The following PARP1 variants were observed in gnomAD, a reference collection of about 807,000 sequenced individuals.
The protein encoded by PARP1 is poly [ADP-ribose] polymerase 1.
PARP1 carries 44 observed loss-of-function variants against 118.7 expected under a neutral mutation model. The ratio of observed to expected loss-of-function variants is 0.37; its 90% CI spans 0.29 to 0.48. The LOEUF (loss-of-function observed/expected upper bound fraction) is 0.48, where lower values mean the gene tolerates loss of function less well. PARP1 is among the 20% of genes least tolerant of loss of function. The probability of loss-of-function intolerance (pLI) is 0.99; values close to 1 mark genes in which losing one functional copy is unlikely to be tolerated. For missense variants in PARP1, 1,100 were observed against 1,272.4 expected, an observed-to-expected ratio of 0.86 and a Z score of 2.06; for synonymous variants, 492 against 483.2, an observed-to-expected ratio of 1.02 and a Z score of -0.24.
At position 226,377,115 on chromosome 1, in the gene PARP1, T is replaced by C. The variant is rs755093118; in HGVS notation, c.1934A>G (p.Tyr645Cys). 11 of 1,613,428 alleles carry C rather than the reference T, an allele frequency of 6.8e-6. No homozygotes were observed. The South Asian group carries it at 7.7e-5, about 11-fold the overall frequency. Residue 645 changes from tyrosine to cysteine, a missense_variant, in exon 13 of 23, where the codon TAT becomes TGT. By Grantham distance (194) the Tyr-to-Cys change is radical. This residue lies in a region of PARP1 where 948 missense variants were observed against 1,031.8 expected (regional missense o/e 0.92). Transcript: ENST00000366794. ...PKKFYPLEIDYGQDEEAVKKL... is the reference protein window; with the variant it reads ...PKKFYPLEIDCGQDEEAVKKL... ...AGGGCATTATGTGGTTACCTGGCCA[T>C]AGTCAATCTCCAGGGGGTAGAACTT...
Position 226,361,172 on chromosome 1 carries a change from G to A in PARP1, c.*288C>T. ...AAGCTTGGTTTTTTCCATAGGACTA[G>A]TCTATGCAACAGAATCTCTCTCCAG... On this transcript the variant is annotated 3_prime_UTR_variant, in exon 23 of 23. Transcript: ENST00000366794. The A allele has an allele frequency of 1.9e-6, 1 of 518,962 alleles. No homozygotes were observed. Among genetic ancestry groups the A allele is most frequent in the East Asian group, 3.3e-5 (1 of 29,908 alleles). The allele number at this position is 518,962 out of a possible 1,614,324, so 32.1% of individuals were successfully genotyped here. A position where few individuals can be genotyped will look rare whatever the true frequency, so the allele number is the denominator to read the frequency against.
At chr1:226,367,737 G>C in intron 16 of PARP1, 129 bp from the exon 17 acceptor site, 1 of 1,032,148 alleles carries the variant, frequency 9.7e-7, no homozygotes, top group Non-Finnish European at 1.5e-6. Flanking sequence ...CTGCTGGTCA[G>C]GGCCAGCCTG....
At chr1:226,402,617 A>G (rs1665060460) in intron 1 of PARP1, among the ~76,000 whole-genome samples, 1 of 152,206 alleles carries the variant, frequency 6.6e-6, no homozygotes, top group South Asian at 2.1e-4. Context: ...TCTTGAGCTC[A>G]TTCTCTTAGG....
rs760642598 is a variant in PARP1, at chr1:226,379,239, C to T, written c.1648G>A (p.Gly550Arg). 4.3e-6 allele frequency: 7 copies of T among 1,614,228 alleles called. No individual in the cohort carries two copies. Among genetic ancestry groups the T allele is most frequent in the Non-Finnish European group, 5.9e-6 (7 of 1,180,028 alleles). The change falls in exon 12 of 23, where the codon GGG (glycine) becomes AGG (arginine). Residue 550 changes from glycine to arginine, a missense_variant. Transcript: ENST00000366794. Reference protein sequence around the residue: ...EHSAHVLEKGGKVFSATLGLV... With the variant: ...EHSAHVLEKGRKVFSATLGLV... ...CCAAGGGTGGCACTGAAGACCTTCC[C>T]ACCTTTCTCCAGGACATGCGCAGAG...
chr1:226,373,943 A>G (rs1366335358), intron 14 of PARP1, among the ~76,000 whole-genome samples: 1 of 151,886 alleles, frequency 6.6e-6, no homozygotes, highest in Non-Finnish European at 1.5e-5. Flanking sequence ...CAACATGGTG[A>G]GACTCTGTCT....
At chr1:226,377,482 C>A (rs1396299843) in intron 12 of PARP1, among the ~76,000 whole-genome samples, 179 bp from the exon 13 acceptor site, 3 of 152,170 alleles carry the variant, frequency 2.0e-5, no homozygotes, top group African/African-American at 7.2e-5. Flanking sequence ...TTTTACTTTT[C>A]ATTAAACTTT....
intron 16 of PARP1, 135 bp downstream of exon 16, chr1:226,368,064 C>T (rs1664306155): frequency 7.8e-7 from 1 of 1,285,796 alleles, no homozygotes; most frequent in South Asian, 1.2e-5. Context: ...AGAAACCCAA[C>T]TTCAAAACAA....
chr1:226,406,591 T>C (rs1374874618), intron 1 of PARP1, among the ~76,000 whole-genome samples: 1 of 152,222 alleles, frequency 6.6e-6, no homozygotes, highest in Non-Finnish European at 1.5e-5. Flanking sequence ...CCATCCTCTC[T>C]TACGGTAACG....
At chr1:226,362,490 C>T (rs6664761) in intron 21 of PARP1, among the ~76,000 whole-genome samples, 32,383 of 152,130 alleles carry the variant, frequency 0.21, 3,978 homozygotes, top group East Asian at 0.34. Flanking sequence ...AGATATAAAA[C>T]TAAGGCAATA....
chr1:226,380,220 C>T (rs1664578564), intron 9 of PARP1, 56 bp from the exon 10 acceptor site: 6 of 1,522,576 alleles, frequency 3.9e-6, no homozygotes, highest in Non-Finnish European at 5.5e-6. Flanking sequence ...AAAACTGAAA[C>T]TTCAAATTAC....
At chr1:226,366,850 C>G (rs1484808322) in intron 17 of PARP1, 1 of 164,388 alleles carries the variant, frequency 6.1e-6, no homozygotes, top group African/African-American at 2.4e-5. Context: ...CTCTCGCCCA[C>G]CCAAACCCCT....
chr1:226,380,299 T>C, intron 9 of PARP1, 135 bp from the exon 10 acceptor site: 1 of 891,192 alleles, frequency 1.1e-6, no homozygotes, highest in Non-Finnish European at 1.8e-6. Context: ...CCAAGTCTAA[T>C]GCTCCCAAGA....
chr1:226,390,320 CAG>C (rs1344208982), intron 4 of PARP1, 88 bp downstream of exon 4: 17 of 1,108,990 alleles, frequency 1.5e-5, no homozygotes, highest in African/African-American at 4.7e-5. Context: ...CGAAGGGAAA[CAG>C]AGGAGTGGTA....
chr1:226,405,339 T>TGG (rs1226630394), intron 1 of PARP1, among the ~76,000 whole-genome samples: 22 of 152,214 alleles, frequency 1.4e-4, no homozygotes, highest in African/African-American at 5.1e-4. Flanking sequence ...GGTCTGGGTC[T>TGG]GTCGCCCAGG....
chr1:226,377,058 G>A (rs770550959), intron 13 of PARP1, 50 bp downstream of exon 13: 2 of 1,477,394 alleles, frequency 1.4e-6, no homozygotes, highest in South Asian at 2.3e-5. Flanking sequence ...AGAATAAGGT[G>A]TCCCTTCCTT....
chr1:226,392,317 G>A lies in PARP1; in HGVS notation c.287-3C>T, dbSNP rs1236944773. 6.2e-7 allele frequency: 1 copy of A among 1,609,332 alleles called. No homozygotes were observed. The highest frequency in any genetic ancestry group is 8.5e-7 in the Non-Finnish European group (1 of 1,175,932). ...ACCAATTCCATCCTGGCCTTTGCCT[G>A]GAGAATCAAACAGACAGCAATGCTC... On this transcript the variant is annotated splice_polypyrimidine_tract_variant and splice_region_variant and intron_variant, in intron 2 of 22. Coordinates refer to ENST00000366794, the MANE Select transcript of PARP1 (RefSeq NM_001618.4).
At chr1:226,362,323 T>C in intron 21 of PARP1, 2 of 480,464 alleles carry the variant, frequency 4.2e-6, no homozygotes. Flanking sequence ...GTAGCTGGGA[T>C]TACAGGTGCG....
chr1:226,397,065 G>A (rs559497106), intron 2 of PARP1, among the ~76,000 whole-genome samples: 4 of 150,286 alleles, frequency 2.7e-5, no homozygotes, highest in African/African-American at 9.8e-5. Flanking sequence ...GCAGAGGTGA[G>A]ATTGTTTGAA....
chr1:226,362,864 T>C lies in PARP1; in HGVS notation c.2848+235A>G, dbSNP rs964933151. 2.4e-4 allele frequency among the ~76,000 whole-genome samples: 36 copies of C among 152,156 alleles called. No homozygotes were observed. In the East Asian group the frequency reaches 4.2e-3, roughly 18 times the overall value. ...ATAGAGCTTGCCTATTTTTTTTTTT[T>C]TTTTACAAAAATAAATAAAATGAAC... On this transcript the variant is annotated intron_variant, in intron 21 of 22. Coordinates refer to ENST00000366794, the MANE Select transcript of PARP1 (RefSeq NM_001618.4).
Sources: gnomAD v4.1 joint callset for allele counts (sites outside exome capture counted in the v4.1 genomes callset) on GRCh38, gnomAD v4.1.1 for gene constraint, gnomAD v4.1.1 regional missense constraint, MANE v1.5 for transcripts, NCBI Gene and HGNC (gene_info 2026-07-23, HGNC 2026-07-21) for gene names.